The following CDKAL1 variants were observed in gnomAD, a reference collection of about 807,000 sequenced individuals.
The protein encoded by CDKAL1 is CDKAL1 threonylcarbamoyladenosine tRNA methylthiotransferase.
A neutral mutation model predicts 68.2 loss-of-function variants in CDKAL1; 32 were observed. That is an observed-to-expected ratio of 0.47 (90% confidence interval 0.35 to 0.63). CDKAL1 has a LOEUF of 0.63. CDKAL1 is among the 30% of genes least tolerant of loss of function. CDKAL1 has a pLI of 0.00. For synonymous variants in CDKAL1, 234 were observed against 244.3 expected (o/e 0.96, Z 0.39); for missense variants, 606 against 696.7 (o/e 0.87, Z 1.47).
intron 13 of CDKAL1, among the ~76,000 whole-genome samples, chr6:21,115,032 A>G (rs576648101): frequency 3.3e-5 from 5 of 152,312 alleles, no homozygotes; most frequent in Admixed American, 6.5e-5. Flanking sequence ...GCAAAAATCT[A>G]TATCAAAAGC....
intron 13 of CDKAL1, among the ~76,000 whole-genome samples, chr6:21,114,748 AAAAAG>A (rs1166486945): frequency 2.0e-5 from 3 of 152,194 alleles, no homozygotes; most frequent in African/African-American, 7.2e-5. Flanking sequence ...CAAAAAAAGA[AAAAAG>A]AAAAGAAAAG....
At chr6:20,998,610 C>CA (rs1355492899) in intron 10 of CDKAL1, among the ~76,000 whole-genome samples, 1 of 138,786 alleles carries the variant, frequency 7.2e-6, no homozygotes, top group African/African-American at 2.7e-5. Flanking sequence ...AATTCCATCT[C>CA]AAAAAAAGAA....
At chr6:20,728,632 G>C (rs1772763417) in intron 5 of CDKAL1, among the ~76,000 whole-genome samples, 2 of 152,096 alleles carry the variant, frequency 1.3e-5, no homozygotes, top group African/African-American at 2.4e-5. Flanking sequence ...TTTGATCTTG[G>C]ACAAGCCATT....
At chr6:20,993,198 C>T (rs745398706) in intron 10 of CDKAL1, among the ~76,000 whole-genome samples, 25 of 151,748 alleles carry the variant, frequency 1.6e-4, no homozygotes, top group East Asian at 7.7e-4. Flanking sequence ...TTTACAATCC[C>T]GTGAATATAC....
At chr6:20,739,474 C>T (rs763040972) in intron 5 of CDKAL1, 45 bp from the exon 6 acceptor site, 2 of 1,222,976 alleles carry the variant, frequency 1.6e-6, no homozygotes, top group East Asian at 2.3e-5. Flanking sequence ...CAAGAGTATA[C>T]CCATGAGCAA....
chr6:20,696,102 C>A (rs989702016), intron 5 of CDKAL1, among the ~76,000 whole-genome samples: 1 of 152,186 alleles, frequency 6.6e-6, no homozygotes, highest in Non-Finnish European at 1.5e-5. Context: ...CTTAAGTTAC[C>A]AGTTACATTT....
At position 20,599,768 on chromosome 6, in the gene CDKAL1, G is replaced by T. The variant is rs576483864; in HGVS notation, c.287-49525G>T. On this transcript the variant is annotated intron_variant, in intron 4 of 15. Transcript: ENST00000274695. ...CTCCATTTACAGTTGATAAAAATTT[G>T]CATAAAATTGGTCATCTTGATAGCT... is the stretch of plus-strand genomic sequence containing the variant. 1.4e-4 allele frequency among the ~76,000 whole-genome samples: 22 copies of T among 152,210 alleles called. No homozygotes were observed. The South Asian group carries it at 4.4e-3, about 30-fold the overall frequency.
At chr6:20,805,128 A>G (rs1776514816) in intron 8 of CDKAL1, among the ~76,000 whole-genome samples, 1 of 152,300 alleles carries the variant, frequency 6.6e-6, no homozygotes, top group South Asian at 2.1e-4. Context: ...TCACTGCTGG[A>G]TGGACTGTGT....
chr6:20,709,064 C>T (rs993350116), intron 5 of CDKAL1, among the ~76,000 whole-genome samples: 4 of 151,906 alleles, frequency 2.6e-5, no homozygotes, highest in Non-Finnish European at 1.5e-5. Context: ...GGCAGGGGTT[C>T]TCTTTTTTTT....
At chr6:20,906,425 C>T (rs186918338) in intron 9 of CDKAL1, among the ~76,000 whole-genome samples, 152 of 152,066 alleles carry the variant, frequency 1.0e-3, no homozygotes, top group Non-Finnish European at 1.7e-3. Context: ...TCCAATGCAA[C>T]CACAAAGAAA....
At chr6:20,691,731 G>A (rs543388426) in intron 5 of CDKAL1, among the ~76,000 whole-genome samples, 5 of 152,210 alleles carry the variant, frequency 3.3e-5, no homozygotes, top group Admixed American at 6.5e-5. Flanking sequence ...CTCATTATGC[G>A]TCTCAGTCTC....
At position 20,794,020 on chromosome 6, in the gene CDKAL1, A is replaced by C. The variant is rs564810515; in HGVS notation, c.638+12755A>C. ...CTTTGCTTATACATATATATCTTAA[A>C]GGTTTCTAAACTTAGAGACCTGTAG... On this transcript the variant is annotated intron_variant, in intron 8 of 15. Coordinates refer to ENST00000274695, the MANE Select transcript of CDKAL1 (RefSeq NM_017774.3). Among the ~76,000 whole-genome samples, 44 of 151,810 alleles carry C rather than the reference A, an allele frequency of 2.9e-4. No homozygotes were observed. The South Asian group carries it at 7.0e-3, about 24-fold the overall frequency.
chr6:20,577,883 C>T (rs1318247414), intron 4 of CDKAL1, among the ~76,000 whole-genome samples: 2 of 152,114 alleles, frequency 1.3e-5, no homozygotes, highest in Admixed American at 6.5e-5. Context: ...AAGCAGACTA[C>T]AGTCTAGGGA....
At chr6:20,798,917 C>CAA (rs200034795) in intron 8 of CDKAL1, among the ~76,000 whole-genome samples, 9 of 103,178 alleles carry the variant, frequency 8.7e-5, no homozygotes, top group South Asian at 2.8e-4. Context: ...TATAATAATA[C>CAA]AAAAAAAAAA....
At chr6:20,765,656 C>G (rs557998808) in intron 7 of CDKAL1, among the ~76,000 whole-genome samples, 2 of 152,204 alleles carry the variant, frequency 1.3e-5, no homozygotes, top group East Asian at 1.9e-4. Flanking sequence ...ATAACATTTT[C>G]TTAAAAATAA....
At chr6:20,674,664 G>A (rs115898163) in intron 5 of CDKAL1, among the ~76,000 whole-genome samples, 1 of 152,120 alleles carries the variant, frequency 6.6e-6, no homozygotes, top group South Asian at 2.1e-4. Context: ...CTACTGTGCT[G>A]TAGAACACTA....
chr6:21,081,534 A>G (rs1772399248), intron 12 of CDKAL1, among the ~76,000 whole-genome samples: 1 of 151,416 alleles, frequency 6.6e-6, no homozygotes, highest in Non-Finnish European at 1.5e-5. Context: ...AGACTCTTGG[A>G]GTAACTTCTA....
intron 8 of CDKAL1, among the ~76,000 whole-genome samples, chr6:20,793,557 T>C (rs1052162599): frequency 1.3e-5 from 2 of 152,130 alleles, no homozygotes; most frequent in Non-Finnish European, 2.9e-5. Flanking sequence ...ATTTTGCAGT[T>C]ATTTGTCAGT....
At chr6:21,048,431 T>G (rs1053711109) in intron 11 of CDKAL1, among the ~76,000 whole-genome samples, 2 of 152,326 alleles carry the variant, frequency 1.3e-5, no homozygotes, top group East Asian at 1.9e-4. Context: ...TTGATTTAAA[T>G]GATTTTATAA....
Sources: gnomAD v4.1 joint callset for allele counts (sites outside exome capture counted in the v4.1 genomes callset) on GRCh38, gnomAD v4.1.1 for gene constraint, MANE v1.5 for transcripts, NCBI Gene and HGNC (gene_info 2026-07-23, HGNC 2026-07-21) for gene names.